Variants in GSE1 observed in about 807,000 individuals in gnomAD.
GSE1 encodes the protein Gse1 coiled-coil protein.
Under a neutral mutation model 112.6 loss-of-function variants are expected in GSE1, and 32 were observed. The observed-to-expected ratio is 0.28, with a 90% CI of 0.21 to 0.38. The LOEUF (loss-of-function observed/expected upper bound fraction) is 0.38, where lower values mean the gene tolerates loss of function less well. Among genes scored for constraint, GSE1 ranks in the 10% least tolerant of loss-of-function variants. The probability of loss-of-function intolerance (pLI) is 1.00; values close to 1 mark genes in which losing one functional copy is unlikely to be tolerated. For missense variants in GSE1, 2,348 were observed against 1,699.2 expected (o/e 1.38, Z -6.71); for synonymous variants, 1,115 against 735.6 (o/e 1.52, Z -8.35).
intron 1 of GSE1, among the ~76,000 whole-genome samples, chr16:85,325,820 G>A (rs564698819): frequency 2.0e-5 from 3 of 150,138 alleles, no homozygotes; most frequent in African/African-American, 7.4e-5. Flanking sequence ...GCAGTGGCAC[G>A]ATCTCAGCTC....
chr16:85,374,547 C>CAT, intron 2 of GSE1, among the ~76,000 whole-genome samples: 1 of 146,196 alleles, frequency 6.8e-6, no homozygotes, highest in Non-Finnish European at 1.5e-5. Flanking sequence ...TGTGTGTGCG[C>CAT]GCGCGCGTGC....
At chr16:85,282,592 C>T (rs1399599348) in intron 1 of GSE1, among the ~76,000 whole-genome samples, 2 of 152,206 alleles carry the variant, frequency 1.3e-5, no homozygotes, top group African/African-American at 4.8e-5. Flanking sequence ...GTGACGAGGT[C>T]ACAGAGCCCC....
chr16:85,640,442 G>A (rs760440680), intron 2 of GSE1, among the ~76,000 whole-genome samples: 38 of 152,216 alleles, frequency 2.5e-4, no homozygotes, highest in African/African-American at 3.9e-4. Context: ...ATCGAGGCCC[G>A]CGGGGCCCTG....
chr16:85,675,973 G>C lies in GSE1; in HGVS notation c.*3434G>C, dbSNP rs142018526. On this transcript the variant is annotated 3_prime_UTR_variant, in exon 16 of 16. Coordinates refer to ENST00000253458, the MANE Select transcript of GSE1 (RefSeq NM_014615.5). ...ACTGGTGTTATTTTGTATGTACCCT[G>C]TGCTTAATTCTATAACAGTAAACCC... The C allele has an allele frequency of 6.5e-6, 1 of 152,744 alleles. No individual in the cohort carries two copies. Among genetic ancestry groups the C allele is most frequent in the East Asian group, 1.9e-4 (1 of 5,186 alleles). The allele number at this position is 152,744 out of a possible 1,614,324, so 9.5% of individuals were successfully genotyped here.
At chr16:85,665,863 CT>C (rs1183582861) in intron 12 of GSE1, 112 bp from the exon 13 acceptor site, 1 of 1,008,816 alleles carries the variant, frequency 9.9e-7, no homozygotes, top group Non-Finnish European at 1.5e-6. Flanking sequence ...GGTCTTGGTT[CT>C]TTGCGCTAGG....
rs759792537 is a variant in GSE1, at chr16:85,654,843, G to C, written c.649G>C (p.Asp217His). Reference sequence around the variant, plus strand: ...GGTGCCCCCCAGTACCGTGACCGAGGACTACCTGAGAAGCTTCCGGCCCTA... The same window carrying C: ...GGTGCCCCCCAGTACCGTGACCGAGCACTACCTGAGAAGCTTCCGGCCCTA... Reference protein sequence around the residue: ...HVVPPSTVTEDYLRSFRPYHT... With the variant: ...HVVPPSTVTEHYLRSFRPYHT... Residue 217 changes from aspartate (D) to histidine (H), a missense_variant, in exon 5 of 16, where the codon GAC becomes CAC. Physicochemically the swap from Asp to His is moderately conservative, Grantham distance 81 (BLOSUM62 -1). Transcript: ENST00000253458. 2 of 1,612,044 alleles carry C rather than the reference G, an allele frequency of 1.2e-6. No individual in the cohort carries two copies. Among genetic ancestry groups the C allele is most frequent in the Admixed American group, 1.7e-5 (1 of 59,968 alleles).
chr16:85,493,692 G>A (rs1208904060), intron 2 of GSE1, among the ~76,000 whole-genome samples: 2 of 151,198 alleles, frequency 1.3e-5, no homozygotes, highest in Non-Finnish European at 1.5e-5. Context: ...GGCGGAGGTG[G>A]AGGTGGAGAA....
In GSE1 at chr16:85,661,151, G is replaced by A. The variant is rs1327957633; in HGVS notation, c.1646G>A (p.Gly549Glu). ...GGGTTGGTTTCACTCCCTAGGCCAGGACCAAACCGTCACGAGCCAGGTGGC... is the reference window on the plus strand; with the variant it reads ...GGGTTGGTTTCACTCCCTAGGCCAGAACCAAACCGTCACGAGCCAGGTGGC... ...EHRPESTTRP[G>E]PNRHEPGGRD... The change falls in exon 9 of 16, where the codon GGA (glycine) becomes GAA (glutamate). Residue 549 changes from glycine to glutamate, a missense_variant. Transcript: ENST00000253458. 3 of 1,584,852 alleles carry A rather than the reference G, an allele frequency of 1.9e-6. No homozygotes were observed. Among genetic ancestry groups the A allele is most frequent in the Non-Finnish European group, 2.6e-6 (3 of 1,159,780 alleles).
intron 2 of GSE1, among the ~76,000 whole-genome samples, chr16:85,453,350 G>A (rs2049738532): frequency 6.6e-6 from 1 of 152,144 alleles, no homozygotes; most frequent in Non-Finnish European, 1.5e-5. Flanking sequence ...GACGCAGTGT[G>A]TACAAAGGAC....
chr16:85,600,587 A>AAC (rs771929185), intron 1 of GSE1, among the ~76,000 whole-genome samples: 3,815 of 146,484 alleles, frequency 0.026, 55 homozygotes, highest in Non-Finnish European at 0.031. Context: ...ACACACCCCA[A>AAC]ACACACACAC....
intron 2 of GSE1, among the ~76,000 whole-genome samples, chr16:85,462,807 CGCGGGGCCGGGGGGCGGCGTGAGCGGCT>C (rs1176510625): frequency 6.0e-5 from 8 of 132,418 alleles, no homozygotes; most frequent in South Asian, 2.6e-4. Context: ...AAGCCGGGGG[CGCGGGGCCGGGGGGCGGCGTGAGCGGCT>C]GCGGGGCCCC....
chr16:85,278,454 T>A (rs1429300954), intron 1 of GSE1, among the ~76,000 whole-genome samples: 3 of 152,232 alleles, frequency 2.0e-5, no homozygotes, highest in Admixed American at 2.0e-4. Flanking sequence ...AATACAGGTT[T>A]TAAAAAAATC....
At position 85,567,334 on chromosome 16, in the gene GSE1, G is replaced by T. The variant is rs527882968; in HGVS notation, c.37+10971G>T. 6.0e-4 allele frequency among the ~76,000 whole-genome samples: 91 copies of T among 152,322 alleles called. 1 individual carries two copies. Among genetic ancestry groups the T allele is most frequent in the South Asian group, 1.7e-3 (8 of 4,828 alleles). ...CTGCTGTGCGTTGGAAATTCAGAAA[G>T]GGTGTGGTGGGGTGGAGCCGGTCTC... is the stretch of plus-strand genomic sequence containing the variant. On this transcript the variant is annotated intron_variant, in intron 1 of 2. Coordinates refer to the GSE1 transcript ENST00000635906.
chr16:85,654,889 G>A lies in GSE1; in HGVS notation c.695G>A (p.Arg232His), dbSNP rs371546617. Residue 232 changes from arginine to histidine, a missense_variant, in exon 5 of 16, where the codon CGC becomes CAC. Coordinates refer to ENST00000253458, the MANE Select transcript of GSE1 (RefSeq NM_014615.5). ...FRPYHTTDDLRMSSLPPLGLD... is the reference protein window; with the variant it reads ...FRPYHTTDDLHMSSLPPLGLD... ...CCCTACCACACCACCGACGACCTCC[G>A]CATGTCCTCACTGCCTCCCCTCGGC... 23 of 1,611,334 alleles carry A rather than the reference G, an allele frequency of 1.4e-5. No homozygotes were observed. Among genetic ancestry groups the A allele is most frequent in the East Asian group, 2.2e-5 (1 of 44,856 alleles).
intron 1 of GSE1, among the ~76,000 whole-genome samples, chr16:85,254,959 C>A (rs752679901): frequency 2.2e-4 from 33 of 152,206 alleles, no homozygotes; most frequent in Non-Finnish European, 3.8e-4. Context: ...GTTCTGTGTC[C>A]CCCGGTGATC....
At chr16:85,173,178 C>T (rs12102719) in intron 1 of GSE1, among the ~76,000 whole-genome samples, 237 of 152,296 alleles carry the variant, frequency 1.6e-3, no homozygotes, top group African/African-American at 5.5e-3. Flanking sequence ...CAAGACTGAC[C>T]CCAGTTCATT....
At chr16:85,649,548 T>C (rs938066639) in intron 3 of GSE1, among the ~76,000 whole-genome samples, 2 of 152,150 alleles carry the variant, frequency 1.3e-5, no homozygotes, top group African/African-American at 4.8e-5. Flanking sequence ...GGGGCCTGCC[T>C]GTGTGGAAGG....
At chr16:85,413,161 C>G (rs950090924) in intron 2 of GSE1, among the ~76,000 whole-genome samples, 5 of 152,320 alleles carry the variant, frequency 3.3e-5, no homozygotes, top group Middle Eastern at 3.4e-3. Context: ...CACCCTGCAA[C>G]AAGCACGTGG....
At chr16:85,453,777 C>T (rs1258553551) in intron 2 of GSE1, among the ~76,000 whole-genome samples, 1 of 152,174 alleles carries the variant, frequency 6.6e-6, no homozygotes, top group East Asian at 1.9e-4. Flanking sequence ...AAGGCGGTCG[C>T]ACCCCATCCA....
Sources: allele counts gnomAD v4.1 joint callset (sites outside exome capture counted in the v4.1 genomes callset), GRCh38; gene constraint gnomAD v4.1.1; transcripts MANE v1.5; gene names NCBI Gene and HGNC (gene_info 2026-07-23, HGNC 2026-07-21).